Variants in TMEM41B observed in about 807,000 individuals in gnomAD.
TMEM41B encodes the protein transmembrane protein 41B, also known as protein stasimon.
TMEM41B carries 18 observed loss-of-function variants against 31.9 expected under a neutral mutation model. The observed-to-expected ratio is 0.56, with a 90% confidence interval of 0.39 to 0.84. TMEM41B has a LOEUF of 0.84. TMEM41B is among the 40% of genes least tolerant of loss of function. The pLI, the probability that TMEM41B is intolerant of heterozygous loss-of-function variation, is 0.00. For synonymous variants in TMEM41B, 144 were observed against 124.3 expected (o/e 1.16, Z -1.05); for missense variants, 322 against 348.0 (o/e 0.93, Z 0.59).
intron 6 of TMEM41B, among the ~76,000 whole-genome samples, chr11:9,285,812 CAAA>C (rs59531093): frequency 1.4e-5 from 1 of 70,650 alleles, no homozygotes; most frequent in Admixed American, 1.6e-4. Context: ...GCAACATTTA[CAAA>C]AAAAAAAAAA....
intron 1 of TMEM41B, chr11:9,311,548 G>A (rs1162702177): frequency 1.6e-6 from 2 of 1,235,326 alleles, no homozygotes; most frequent in African/African-American, 1.5e-5. Context: ...TTGCCTTGCG[G>A]AGCTCCTGGG....
At chr11:9,300,803 G>A (rs573678585) in intron 1 of TMEM41B, among the ~76,000 whole-genome samples, 29 of 151,972 alleles carry the variant, frequency 1.9e-4, no homozygotes, top group African/African-American at 5.3e-4. Context: ...GTGTGAACCC[G>A]GGAGGCAGAG....
At chr11:9,311,261 A>G in intron 1 of TMEM41B, 2 of 1,499,634 alleles carry the variant, frequency 1.3e-6, no homozygotes, top group Non-Finnish European at 1.8e-6. Context: ...ACTTGAGGGA[A>G]GGACCCAGGG....
At chr11:9,303,645 TTTTTC>T (rs1853309241) in intron 1 of TMEM41B, among the ~76,000 whole-genome samples, 3 of 139,388 alleles carry the variant, frequency 2.2e-5, no homozygotes, top group East Asian at 4.2e-4. Context: ...CCTATTATTC[TTTTTC>T]TTTTTTTTTT....
At chr11:9,283,845 C>T (rs112055517) in intron 6 of TMEM41B, among the ~76,000 whole-genome samples, 5 of 150,924 alleles carry the variant, frequency 3.3e-5, no homozygotes, top group African/African-American at 7.3e-5. Flanking sequence ...AACACGATGG[C>T]GCGATCTTGG....
intron 1 of TMEM41B, among the ~76,000 whole-genome samples, chr11:9,310,422 C>A (rs920073205): frequency 1.3e-5 from 2 of 151,886 alleles, no homozygotes; most frequent in Non-Finnish European, 2.9e-5. Flanking sequence ...TCCCAAAGCA[C>A]TGATATTTTC....
chr11:9,305,389 A>C (rs990065096), intron 1 of TMEM41B, among the ~76,000 whole-genome samples: 1 of 152,154 alleles, frequency 6.6e-6, no homozygotes, highest in Non-Finnish European at 1.5e-5. Context: ...GCCTGAGGTC[A>C]AGGGTTCGAG....
chr11:9,285,833 A>T (rs996455998), intron 6 of TMEM41B, among the ~76,000 whole-genome samples: 3 of 151,556 alleles, frequency 2.0e-5, no homozygotes, highest in Non-Finnish European at 4.4e-5. Flanking sequence ...AAAAAAAGAA[A>T]GGGCTGGGTG....
chr11:9,292,581 T>G (rs1311302991), intron 3 of TMEM41B, among the ~76,000 whole-genome samples: 2 of 152,080 alleles, frequency 1.3e-5, no homozygotes, highest in African/African-American at 2.4e-5. Context: ...TCCCAGCACC[T>G]TGGGAGGCTG....
At chr11:9,294,753 T>C (rs763677039) in intron 3 of TMEM41B, among the ~76,000 whole-genome samples, 1 of 151,980 alleles carries the variant, frequency 6.6e-6, no homozygotes, top group South Asian at 2.1e-4. Flanking sequence ...GTAAAAAACA[T>C]TCATTCCTTT....
Position 9,311,224 on chromosome 11 carries a change from G to A in TMEM41B, c.121+3097C>T, listed in dbSNP as rs1853553472. 4.8e-6 allele frequency: 7 copies of A among 1,468,500 alleles called. No individual in the cohort carries two copies. In the South Asian group the frequency reaches 7.9e-5, roughly 17 times the overall value. The allele number at this position is 1,468,500 out of a possible 1,614,324, so 91.0% of individuals were successfully genotyped here. A position where few individuals can be genotyped will look rare whatever the true frequency, so the allele number is the denominator to read the frequency against. On this transcript the variant is annotated intron_variant, in intron 1 of 6. Transcript: ENST00000528080. ...CCCCCAATACAACATGGCATCTGAA[G>A]CTTGATAGGAGAGCAGAACTGGTGA... is the stretch of plus-strand genomic sequence containing the variant.
rs1224719257 is a variant in TMEM41B, at chr11:9,281,870, A to G, written c.*1554T>C. On this transcript the variant is annotated 3_prime_UTR_variant, in exon 7 of 7. Transcript: ENST00000528080. ...TATCATGCATAAAAAGAATAATTAC[A>G]TAATATTATTAAATATATTCCTTAA... The G allele has an allele frequency of 6.6e-6, 1 of 152,202 alleles. No homozygotes were observed. The highest frequency in any genetic ancestry group is 1.5e-5 in the Non-Finnish European group (1 of 68,040). The allele number at this position is 152,202 out of a possible 1,614,324, so 9.4% of individuals were successfully genotyped here.
intron 1 of TMEM41B, among the ~76,000 whole-genome samples, chr11:9,305,786 C>T (rs769738079): frequency 7.9e-5 from 12 of 151,998 alleles, no homozygotes; most frequent in African/African-American, 1.2e-4. Context: ...AAAATAATTT[C>T]ATATTATGAG....
chr11:9,312,860 C>G (rs1005178679), intron 1 of TMEM41B, among the ~76,000 whole-genome samples: 1 of 141,484 alleles, frequency 7.1e-6, no homozygotes, highest in African/African-American at 2.7e-5. Flanking sequence ...GCCAAGATTG[C>G]GCCACTGCAC....
At chr11:9,306,112 G>C (rs560708856) in intron 1 of TMEM41B, among the ~76,000 whole-genome samples, 14 of 151,050 alleles carry the variant, frequency 9.3e-5, no homozygotes, top group African/African-American at 3.2e-4. Flanking sequence ...CCAAGCAACT[G>C]GGATTACAGG....
intron 6 of TMEM41B, 130 bp from the exon 7 acceptor site, chr11:9,283,723 T>A: frequency 1.3e-6 from 1 of 741,514 alleles, no homozygotes; most frequent in Non-Finnish European, 2.1e-6. Context: ...ATTAAGAATT[T>A]AAAGCTCAAG....
intron 2 of TMEM41B, among the ~76,000 whole-genome samples, chr11:9,298,139 T>C (rs868222400): frequency 1.2e-4 from 18 of 149,256 alleles, no homozygotes; most frequent in Non-Finnish European, 2.1e-4. Context: ...AAACTAAAGG[T>C]TCCTACTTAT....
chr11:9,298,442 A>C (rs1269849324), intron 2 of TMEM41B, among the ~76,000 whole-genome samples: 4 of 134,694 alleles, frequency 3.0e-5, no homozygotes, highest in African/African-American at 1.1e-4. Context: ...CTGGGCAACT[A>C]TCTCAAAACT....
At chr11:9,291,967 A>T (rs1852970560) in intron 3 of TMEM41B, among the ~76,000 whole-genome samples, 1 of 152,088 alleles carries the variant, frequency 6.6e-6, no homozygotes, top group South Asian at 2.1e-4. Context: ...CGGCCTCCCA[A>T]AGTACTGGAA....
Sources: allele counts gnomAD v4.1 joint callset (sites outside exome capture counted in the v4.1 genomes callset), GRCh38; gene constraint gnomAD v4.1.1; transcripts MANE v1.5; gene names NCBI Gene and HGNC (gene_info 2026-07-23, HGNC 2026-07-21).